Variants in USP54 observed in about 807,000 individuals in gnomAD.
USP54 encodes the protein ubiquitin specific peptidase 54.
In USP54, 87 loss-of-function variants were observed where a neutral mutation model predicts 170.5. The observed-to-expected ratio is 0.51, with a 90% CI of 0.43 to 0.61. The LOEUF (loss-of-function observed/expected upper bound fraction) is 0.61. USP54 is among the 20% of genes least tolerant of loss of function. The pLI, the probability that USP54 is intolerant of heterozygous loss-of-function variation, is 0.00. For synonymous variants in USP54, 655 were observed against 742.8 expected (o/e 0.88, Z 1.92); for missense variants, 1,786 against 2,047.8 (o/e 0.87, Z 2.47).
chr10:73,566,106 T>C (rs2073725739), intron 4 of USP54, among the ~76,000 whole-genome samples: 1 of 152,138 alleles, frequency 6.6e-6, no homozygotes, highest in Non-Finnish European at 1.5e-5. Flanking sequence ...GGCGCATGCC[T>C]GTAATCCCAG....
upstream of USP54, among the ~76,000 whole-genome samples, chr10:73,594,785 A>C (rs1464520663): frequency 6.6e-6 from 1 of 152,158 alleles, no homozygotes; most frequent in African/African-American, 2.4e-5. Context: ...ACTTGATCTT[A>C]GCTAATAAGG....
chr10:73,520,806 A>G (rs1049490445), intron 18 of USP54, 102 bp downstream of exon 18: 1 of 1,522,650 alleles, frequency 6.6e-7, no homozygotes, highest in Non-Finnish European at 8.9e-7. Flanking sequence ...AAGAGTGAGG[A>G]GACACAAAAA....
intron 22 of USP54, among the ~76,000 whole-genome samples, 187 bp from the exon 23 acceptor site, chr10:73,501,025 C>T (rs2058004470): frequency 6.6e-6 from 1 of 152,206 alleles, no homozygotes; most frequent in African/African-American, 2.4e-5. Flanking sequence ...CTCTAAGAAA[C>T]TGCAAACTTC....
chr10:73,526,006 TC>T (rs1366411500), intron 16 of USP54, among the ~76,000 whole-genome samples: 1 of 152,086 alleles, frequency 6.6e-6, no homozygotes, highest in African/African-American at 2.4e-5. Flanking sequence ...CAATAAGAAA[TC>T]CATTTCCCAA....
In USP54 at chr10:73,542,956, C is replaced by T. The variant is rs546319429; in HGVS notation, c.489+62G>A. The stretch of plus-strand genomic sequence containing the variant: ...ACTGTTTTGGCACCCATTTAACACC[C>T]CACATCCCAGGATAAAGTGTTCTGG... On this transcript the variant is annotated intron_variant, in intron 6 of 23. Transcript: ENST00000687698. 8 of 1,609,020 alleles carry T rather than the reference C, an allele frequency of 5.0e-6. No homozygotes were observed. The South Asian group carries it at 5.5e-5, about 11-fold the overall frequency.
At chr10:73,505,641 C>T (rs996544565) in intron 20 of USP54, 6 of 386,854 alleles carry the variant, frequency 1.6e-5, no homozygotes, top group East Asian at 5.2e-5. Flanking sequence ...GAGGCCAACA[C>T]GGGCAGATCA....
chr10:73,619,783 A>T (rs2080941515), intron 1 of USP54, among the ~76,000 whole-genome samples: 1 of 150,704 alleles, frequency 6.6e-6, no homozygotes, highest in African/African-American at 2.5e-5. Context: ...TCCTTAGTAC[A>T]AGTAGGAAGT....
At chr10:73,506,368 T>C (rs992301605) in intron 20 of USP54, 1 of 152,220 alleles carries the variant, frequency 6.6e-6, no homozygotes, top group African/African-American at 2.4e-5. Context: ...CTTTTCAAAA[T>C]CTTTCTAGAT....
At chr10:73,555,742 G>C (rs1590341523) in intron 4 of USP54, among the ~76,000 whole-genome samples, 1 of 152,102 alleles carries the variant, frequency 6.6e-6, no homozygotes, top group South Asian at 2.1e-4. Flanking sequence ...TTACCCCACA[G>C]GAAAAACTGA....
chr10:73,578,270 AC>A (rs2076382719), intron 1 of USP54, among the ~76,000 whole-genome samples: 2 of 152,202 alleles, frequency 1.3e-5, no homozygotes, highest in African/African-American at 4.8e-5. Flanking sequence ...AACACCAAAA[AC>A]ATTTCACTTA....
At chr10:73,580,366 C>T (rs567135615) in intron 1 of USP54, among the ~76,000 whole-genome samples, 8 of 148,298 alleles carry the variant, frequency 5.4e-5, no homozygotes, top group Middle Eastern at 3.5e-3. Context: ...TGCAAAATGA[C>T]ACACTTGGCA....
chr10:73,547,682 T>G (rs920301656), intron 4 of USP54, among the ~76,000 whole-genome samples: 6 of 152,166 alleles, frequency 3.9e-5, no homozygotes, highest in Non-Finnish European at 7.3e-5. Flanking sequence ...TAGCCATATG[T>G]AGAAAGCTGA....
intron 1 of USP54, among the ~76,000 whole-genome samples, chr10:73,581,565 G>A (rs934335127): frequency 6.6e-6 from 1 of 152,124 alleles, no homozygotes; most frequent in African/African-American, 2.4e-5. Context: ...CTTAAAGGAG[G>A]CCCTCTGAAT....
intron 19 of USP54, chr10:73,518,163 A>T: frequency 1.0e-6 from 1 of 985,306 alleles, no homozygotes; most frequent in Non-Finnish European, 1.2e-6. Context: ...AAAATCCAGG[A>T]TGCTATACAG....
At chr10:73,607,268 T>C (rs1243614011) in intron 1 of USP54, among the ~76,000 whole-genome samples, 1 of 146,546 alleles carries the variant, frequency 6.8e-6, no homozygotes, top group African/African-American at 2.5e-5. Context: ...TTGCACTCCA[T>C]CTTGCAGGAC....
At chr10:73,513,845 T>C (rs1243498201) in intron 20 of USP54, among the ~76,000 whole-genome samples, 1 of 152,094 alleles carries the variant, frequency 6.6e-6, no homozygotes, top group African/African-American at 2.4e-5. Flanking sequence ...GATAGAGTCT[T>C]GGTCTGTCGC....
intron 20 of USP54, among the ~76,000 whole-genome samples, chr10:73,511,596 G>T (rs2060223875): frequency 6.6e-6 from 1 of 151,614 alleles, no homozygotes; most frequent in African/African-American, 2.4e-5. Flanking sequence ...GGAGACGGAG[G>T]TTGCAGTGAG....
intron 15 of USP54, 68 bp downstream of exon 15, chr10:73,529,612 G>T (rs754305036): frequency 5.0e-6 from 8 of 1,584,534 alleles, no homozygotes; most frequent in Non-Finnish European, 6.9e-6. Flanking sequence ...AGCCATGCCT[G>T]AAAGCCCCAA....
intron 20 of USP54, among the ~76,000 whole-genome samples, chr10:73,511,041 A>G (rs1332519931): frequency 6.6e-6 from 1 of 151,858 alleles, no homozygotes; most frequent in Non-Finnish European, 1.5e-5. Flanking sequence ...GGGGGAAGAA[A>G]AGGAGGAGAT....
Sources: allele counts gnomAD v4.1 joint callset (sites outside exome capture counted in the v4.1 genomes callset), GRCh38; gene constraint gnomAD v4.1.1; transcripts MANE v1.5; gene names NCBI Gene and HGNC (gene_info 2026-07-23, HGNC 2026-07-21).